The following TBC1D5 variants were observed in gnomAD, a reference collection of about 807,000 sequenced individuals.
TBC1D5 encodes the protein TBC1 domain family, member 5.
In TBC1D5, 75 loss-of-function variants were observed where a neutral mutation model predicts 100.3. The observed-to-expected ratio is 0.75, with a 90% confidence interval of 0.62 to 0.91. The LOEUF (loss-of-function observed/expected upper bound fraction) is 0.91. Ranked by LOEUF, TBC1D5 falls within the 40% of genes least tolerant of loss-of-function variation. The pLI, the probability that TBC1D5 is intolerant of heterozygous loss-of-function variation, is 0.00. For synonymous variants in TBC1D5, 323 were observed against 325.6 expected (o/e 0.99, Z 0.09); for missense variants, 910 against 942.4 (o/e 0.97, Z 0.45).
intron 8 of TBC1D5, among the ~76,000 whole-genome samples, chr3:17,402,750 T>C (rs1044111288): frequency 6.6e-6 from 1 of 152,108 alleles, no homozygotes; most frequent in African/African-American, 2.4e-5. Flanking sequence ...CAAACCTGAA[T>C]AGCTTCAAGA....
chr3:17,432,309 T>C (rs982898678), intron 3 of TBC1D5, among the ~76,000 whole-genome samples: 2 of 152,180 alleles, frequency 1.3e-5, no homozygotes, highest in African/African-American at 4.8e-5. Context: ...AATTAGTATA[T>C]ACCAATGAAA....
intron 13 of TBC1D5, among the ~76,000 whole-genome samples, chr3:17,368,224 T>C (rs972395465): frequency 6.6e-6 from 1 of 152,154 alleles, no homozygotes; most frequent in African/African-American, 2.4e-5. Context: ...TATATAAAAC[T>C]AGGATCATGT....
intron 4 of TBC1D5, among the ~76,000 whole-genome samples, chr3:17,418,495 C>T (rs2094136857): frequency 6.6e-6 from 1 of 151,860 alleles, no homozygotes; most frequent in African/African-American, 2.4e-5. Context: ...GTAATCCCAG[C>T]TACACAGGAA....
chr3:17,543,906 T>A (rs2153429035), intron 2 of TBC1D5, among the ~76,000 whole-genome samples: 1 of 151,722 alleles, frequency 6.6e-6, no homozygotes, highest in Admixed American at 6.6e-5. Flanking sequence ...TCTTGCTCTG[T>A]CTCCAGGCTG....
chr3:17,584,070 G>A (rs974363892), intron 2 of TBC1D5, among the ~76,000 whole-genome samples: 4 of 152,116 alleles, frequency 2.6e-5, no homozygotes, highest in Non-Finnish European at 4.4e-5. Context: ...TATGTTAAAC[G>A]AAAGAAGCCA....
chr3:17,389,714 T>C (rs1465980741), intron 8 of TBC1D5, among the ~76,000 whole-genome samples: 1 of 152,126 alleles, frequency 6.6e-6, no homozygotes, highest in African/African-American at 2.4e-5. Flanking sequence ...GCTCAAGTTG[T>C]AGATTCAACA....
intron 19 of TBC1D5, among the ~76,000 whole-genome samples, chr3:17,172,952 T>C (rs1467953348): frequency 1.3e-5 from 2 of 152,110 alleles, no homozygotes; most frequent in Non-Finnish European, 2.9e-5. Context: ...GCATTTAACC[T>C]TCTTATGCCT....
chr3:17,535,588 C>A (rs2096273758), intron 2 of TBC1D5, among the ~76,000 whole-genome samples: 1 of 152,006 alleles, frequency 6.6e-6, no homozygotes, highest in African/African-American at 2.4e-5. Context: ...AGACTCCGGT[C>A]TGTAACTTGG....
intron 14 of TBC1D5, among the ~76,000 whole-genome samples, chr3:17,299,063 T>C (rs2082548120): frequency 6.6e-6 from 1 of 152,190 alleles, no homozygotes; most frequent in African/African-American, 2.4e-5. Flanking sequence ...AATAATAAAA[T>C]AGAACAATCA....
At chr3:17,238,549 G>C in intron 16 of TBC1D5, 130 bp from the exon 17 acceptor site, 1 of 1,079,956 alleles carries the variant, frequency 9.3e-7, no homozygotes. Context: ...TATATAAAGT[G>C]AGAAGTGAAA....
At chr3:17,515,411 C>G (rs2095971932) in intron 2 of TBC1D5, among the ~76,000 whole-genome samples, 1 of 152,160 alleles carries the variant, frequency 6.6e-6, no homozygotes, top group South Asian at 2.1e-4. Flanking sequence ...ATAACAACAG[C>G]AGCAAACACA....
chr3:17,449,770 G>C (rs1030920819), intron 3 of TBC1D5, among the ~76,000 whole-genome samples: 2 of 152,144 alleles, frequency 1.3e-5, no homozygotes, highest in Non-Finnish European at 2.9e-5. Context: ...TCCCCAGGAC[G>C]GAGCACCTGG....
intron 7 of TBC1D5, 115 bp from the exon 8 acceptor site, chr3:17,403,363 T>C (rs892293329): frequency 9.8e-6 from 6 of 611,524 alleles, no homozygotes; most frequent in Non-Finnish European, 1.5e-5. Context: ...TCATTTCACA[T>C]TGCAGATAGA....
chr3:17,433,836 A>G (rs1286680031), intron 3 of TBC1D5, among the ~76,000 whole-genome samples: 1 of 152,212 alleles, frequency 6.6e-6, no homozygotes, highest in Non-Finnish European at 1.5e-5. Context: ...CATAGATACA[A>G]TGGGGGTACA....
chr3:17,270,338 T>A (rs1397580466), intron 15 of TBC1D5, among the ~76,000 whole-genome samples: 1 of 151,730 alleles, frequency 6.6e-6, no homozygotes, highest in East Asian at 1.9e-4. Context: ...TTTTAATGGA[T>A]TTTTTTCCCT....
At chr3:17,438,965 T>C (rs1163316723) in intron 3 of TBC1D5, among the ~76,000 whole-genome samples, 1 of 152,092 alleles carries the variant, frequency 6.6e-6, no homozygotes, top group Non-Finnish European at 1.5e-5. Context: ...TTATTTACTA[T>C]ATAAAATAGA....
At chr3:17,214,323 G>C (rs868858246) in exon 18 of TBC1D5, 1 of 1,612,704 alleles carries the variant, frequency 6.2e-7, no homozygotes, top group African/African-American at 1.3e-5. Context: ...CTTCCTCCAG[G>C]CAAACTCTCA....
chr3:17,540,932 A>G (rs796743905), intron 2 of TBC1D5, among the ~76,000 whole-genome samples: 65 of 146,290 alleles, frequency 4.4e-4, no homozygotes, highest in Admixed American at 2.1e-3. Context: ...AAAAAAAAAA[A>G]GTAAGAAAAG....
At chr3:17,166,824 G>A in exon 21 of TBC1D5, 2 of 1,614,214 alleles carry the variant, frequency 1.2e-6, no homozygotes, top group Non-Finnish European at 1.7e-6. Context: ...CCTGGCCCTG[G>A]CCGCTGGAGC....
Sources: allele counts gnomAD v4.1 joint callset (sites outside exome capture counted in the v4.1 genomes callset), GRCh38; gene constraint gnomAD v4.1.1; transcripts MANE v1.5; gene names NCBI Gene and HGNC (gene_info 2026-07-23, HGNC 2026-07-21).